Variants in STK40 observed in about 807,000 individuals in gnomAD.
The protein encoded by STK40 is serine/threonine-protein kinase 40.
STK40 carries 13 observed loss-of-function variants against 47.9 expected under a neutral mutation model. That is an observed-to-expected ratio of 0.27 (90% CI 0.18 to 0.43). STK40 has a LOEUF of 0.43. Among genes scored for constraint, STK40 ranks in the 20% least tolerant of loss-of-function variants. The pLI, the probability that STK40 is intolerant of heterozygous loss-of-function variation, is 1.00. For synonymous variants in STK40, 225 were observed against 243.2 expected, an observed-to-expected ratio of 0.93 and a Z score of 0.69; for missense variants, 460 against 595.1, an observed-to-expected ratio of 0.77 and a Z score of 2.36.
At position 36,343,900 on chromosome 1, in the gene STK40, C is replaced by T. The variant is rs747236810; in HGVS notation, c.964G>A (p.Ala322Thr). The change falls in exon 9 of 11, where the codon GCC (alanine) becomes ACC (threonine). Residue 322 changes from alanine to threonine, a missense_variant. Physicochemically the swap from Ala to Thr is moderately conservative, Grantham distance 58. This residue lies in a region of STK40 where 181 missense variants were observed against 218.9 expected (regional missense o/e 0.83). Coordinates refer to ENST00000373132, the MANE Select transcript of STK40 (RefSeq NM_001282547.2). Reference protein sequence around the residue: ...VLDPQQRLAAADVLEALSAII... With the variant: ...VLDPQQRLAATDVLEALSAII... ...GCACTGAGGGCCTCCAGGACGTCGG[C>T]GGCGGCCAGGCGCTGCTGGGGGTCA... 2.1e-5 allele frequency: 33 copies of T among 1,606,376 alleles called. No individual in the cohort carries two copies. Among genetic ancestry groups the T allele is most frequent in the Non-Finnish European group, 2.5e-5 (29 of 1,174,592 alleles).
rs746714991 is a variant in STK40, at chr1:36,358,309, T to C, written c.272A>G (p.His91Arg). The change falls in exon 4 of 11, where the codon CAC becomes CGC. Residue 91 changes from histidine to arginine, a missense_variant. Coordinates refer to ENST00000373132, the MANE Select transcript of STK40 (RefSeq NM_001282547.2). ...GAGAGACAGCAGTGAGTACTCGGTG[T>C]GCAGCAGCATCTTGCCCTGCCGCTC... Reference protein sequence around the residue: ...QEERQGKMLLHTEYSLLSLLH... With the variant: ...QEERQGKMLLRTEYSLLSLLH... 3 of 1,610,486 alleles carry C rather than the reference T, an allele frequency of 1.9e-6. No individual in the cohort carries two copies. Among genetic ancestry groups the C allele is most frequent in the Non-Finnish European group, 2.5e-6 (3 of 1,177,020 alleles).
intron 1 of STK40, among the ~76,000 whole-genome samples, chr1:36,365,278 C>T (rs181798255): frequency 5.3e-5 from 8 of 152,308 alleles, no homozygotes; most frequent in African/African-American, 1.4e-4. Context: ...GCATGAGCAC[C>T]GCGCCCGGCC....
chr1:36,375,628 CA>C (rs1646985844), intron 1 of STK40, among the ~76,000 whole-genome samples: 1 of 152,178 alleles, frequency 6.6e-6, no homozygotes, highest in Non-Finnish European at 1.5e-5. Flanking sequence ...CTGTTTTCAA[CA>C]GCAAAAATCA....
At chr1:36,375,954 G>A (rs1171787016) in intron 1 of STK40, among the ~76,000 whole-genome samples, 1 of 151,980 alleles carries the variant, frequency 6.6e-6, no homozygotes, top group Non-Finnish European at 1.5e-5. Context: ...CCCCAGAGGC[G>A]TAGGCTGCAG....
chr1:36,350,542 T>A (rs915276486), intron 6 of STK40, among the ~76,000 whole-genome samples: 14 of 152,192 alleles, frequency 9.2e-5, no homozygotes, highest in African/African-American at 3.4e-4. Flanking sequence ...AATTTCCTCA[T>A]GCGTACAACA....
intron 6 of STK40, among the ~76,000 whole-genome samples, chr1:36,350,064 T>C (rs1164433954): frequency 6.6e-6 from 1 of 152,142 alleles, no homozygotes; most frequent in Non-Finnish European, 1.5e-5. Context: ...TCTCGGGGAA[T>C]TCTGCTGGCA....
At chr1:36,360,024 C>A (rs911247953) in intron 2 of STK40, among the ~76,000 whole-genome samples, 1 of 152,206 alleles carries the variant, frequency 6.6e-6, no homozygotes, top group Non-Finnish European at 1.5e-5. Context: ...TACCTACGGG[C>A]CCTTCTCATC....
At chr1:36,354,304 C>T (rs1417839891) in intron 6 of STK40, 60 bp downstream of exon 6, 30 of 1,582,102 alleles carry the variant, frequency 1.9e-5, no homozygotes, top group Non-Finnish European at 2.5e-5. Flanking sequence ...TGGAGAGTTG[C>T]AATGTGTAGC....
chr1:36,361,543 G>C (rs1004558395), intron 1 of STK40, among the ~76,000 whole-genome samples: 2 of 152,196 alleles, frequency 1.3e-5, no homozygotes, highest in African/African-American at 4.8e-5. Context: ...GATGCTAAAG[G>C]TGGACATCCT....
rs1646651471 is a variant in STK40 at position 36,341,861 on chromosome 1, T to G, written c.1202A>C (p.Lys401Thr). The change falls in exon 11 of 11, where the codon AAG (lysine) becomes ACG (threonine). Residue 401 changes from lysine (K) to threonine (T), a missense_variant. Transcript: ENST00000373132. ...SIHDARSWVP[K>T]RQFGSAPPVR... is the part of the protein sequence containing the mutation. ...CGGTGGTGCGCTGCCGAACTGCCGC[T>G]TGGGTACCCAGCTCCGGGCGTCATG... 1 of 1,613,798 alleles carries G rather than the reference T, an allele frequency of 6.2e-7. No homozygotes were observed. The highest frequency in any genetic ancestry group is 8.5e-7 in the Non-Finnish European group (1 of 1,179,970).
At chr1:36,358,491 C>T in intron 3 of STK40, 109 bp from the exon 4 acceptor site, 1 of 1,419,106 alleles carries the variant, frequency 7.0e-7, no homozygotes, top group Non-Finnish European at 9.5e-7. Flanking sequence ...CATTTGTGCA[C>T]AATGCACACA....
chr1:36,343,269 C>G, intron 10 of STK40, 95 bp downstream of exon 10: 1 of 1,337,896 alleles, frequency 7.5e-7, no homozygotes, highest in Non-Finnish European at 1.1e-6. Context: ...ACTCTGTGGC[C>G]TGCGGGTAGC....
chr1:36,372,480 C>G (rs1366846894), intron 1 of STK40, among the ~76,000 whole-genome samples: 1 of 146,764 alleles, frequency 6.8e-6, no homozygotes, highest in Non-Finnish European at 1.5e-5. Context: ...GAAATTGAGA[C>G]TCAGAGCTGC....
chr1:36,363,140 G>C (rs1646868096), intron 1 of STK40, among the ~76,000 whole-genome samples: 1 of 151,928 alleles, frequency 6.6e-6, no homozygotes, highest in Admixed American at 6.6e-5. Flanking sequence ...GGGCAACAGA[G>C]TAAGACTCTG....
At chr1:36,347,167 TACA>T (rs1050687231) in intron 7 of STK40, among the ~76,000 whole-genome samples, 3 of 152,018 alleles carry the variant, frequency 2.0e-5, no homozygotes, top group African/African-American at 7.3e-5. Context: ...GTGCTTGTAT[TACA>T]GCAGCCTGCT....
chr1:36,367,335 C>CT (rs1340084926), intron 1 of STK40, among the ~76,000 whole-genome samples: 2 of 152,218 alleles, frequency 1.3e-5, no homozygotes, highest in African/African-American at 4.8e-5. Flanking sequence ...GGTTCCATTG[C>CT]TTTGCCAAGC....
intron 1 of STK40, among the ~76,000 whole-genome samples, chr1:36,375,517 A>G (rs938069953): frequency 2.0e-5 from 3 of 151,818 alleles, no homozygotes; most frequent in Non-Finnish European, 4.4e-5. Flanking sequence ...AAAAAAAAAA[A>G]AAGAGAAATG....
chr1:36,380,567 C>T (rs1357827020), intron 1 of STK40, among the ~76,000 whole-genome samples: 2 of 152,200 alleles, frequency 1.3e-5, no homozygotes, highest in African/African-American at 4.8e-5. Context: ...ATAAGATCTC[C>T]AGGGGGCACT....
intron 6 of STK40, among the ~76,000 whole-genome samples, chr1:36,350,296 C>G (rs893198577): frequency 6.6e-5 from 10 of 152,204 alleles, no homozygotes; most frequent in African/African-American, 1.7e-4. Context: ...TGCCGCTGCC[C>G]TGAATATGGG....
Sources: allele counts gnomAD v4.1 joint callset (sites outside exome capture counted in the v4.1 genomes callset), GRCh38; gene constraint gnomAD v4.1.1; regional missense constraint gnomAD v4.1.1; transcripts MANE v1.5; gene names NCBI Gene and HGNC (gene_info 2026-07-23, HGNC 2026-07-21).